The following MINDY2 variants were observed in gnomAD, a reference collection of about 807,000 sequenced individuals.
MINDY2 encodes MINDY lysine 48 deubiquitinase 2.
In MINDY2, 52 loss-of-function variants were observed where a neutral mutation model predicts 68.2. The ratio of observed to expected loss-of-function variants is 0.76; its 90% CI spans 0.61 to 0.96. MINDY2 has a LOEUF of 0.96. Among genes scored for constraint, MINDY2 ranks in the 40% least tolerant of loss-of-function variants. The pLI is 0.00. For missense variants in MINDY2, 881 were observed against 773.4 expected, an observed-to-expected ratio of 1.14 and a Z score of -1.65; for synonymous variants, 372 against 303.0, an observed-to-expected ratio of 1.23 and a Z score of -2.36.
chr15:58,852,987 C>G (rs1365524762), intron 8 of MINDY2, among the ~76,000 whole-genome samples: 16 of 74,642 alleles, frequency 2.1e-4, no homozygotes, highest in African/African-American at 6.1e-4. Flanking sequence ...GAGTCTCACT[C>G]TGTTGCCCAG....
Position 58,771,727 on chromosome 15 carries a change from C to T in MINDY2, c.332C>T (p.Ser111Phe), listed in dbSNP as rs777065911. ...AGAGGGCAGTACAAGGTGACCGCCTCCCCGGAGACAGCCGTGGCCGGAGTG... is the reference window on the plus strand; with the variant it reads ...AGAGGGCAGTACAAGGTGACCGCCTTCCCGGAGACAGCCGTGGCCGGAGTG... ...PLRGQYKVTA[S>F]PETAVAGVGH... is the part of the protein sequence containing the mutation. Residue 111 changes from serine (S) to phenylalanine (F), a missense_variant, in exon 1 of 9, where the codon TCC becomes TTC. Coordinates refer to ENST00000559228, the MANE Select transcript of MINDY2 (RefSeq NM_001040450.3). 1.9e-6 allele frequency: 3 copies of T among 1,611,998 alleles called. No homozygotes were observed. Among genetic ancestry groups the T allele is most frequent in the Admixed American group, 1.7e-5 (1 of 59,908 alleles).
intron 5 of MINDY2, 37 bp downstream of exon 5, chr15:58,821,856 C>G: frequency 7.2e-7 from 1 of 1,397,160 alleles, no homozygotes; most frequent in Non-Finnish European, 9.8e-7. Context: ...TTTTGAAATT[C>G]TTGGCAAGAT....
At chr15:58,800,504 AC>A (rs1392824629) in intron 2 of MINDY2, among the ~76,000 whole-genome samples, 1 of 152,106 alleles carries the variant, frequency 6.6e-6, no homozygotes, top group Admixed American at 6.6e-5. Flanking sequence ...GTTTGCCACT[AC>A]TTTACAATAT....
chr15:58,781,756 A>C (rs1901160247), intron 1 of MINDY2, among the ~76,000 whole-genome samples: 2 of 152,090 alleles, frequency 1.3e-5, no homozygotes, highest in Non-Finnish European at 2.9e-5. Context: ...TGCAAAAATT[A>C]GCCGTGTGTG....
chr15:58,851,258 GC>G (rs1889728594), intron 7 of MINDY2, among the ~76,000 whole-genome samples: 1 of 152,076 alleles, frequency 6.6e-6, no homozygotes, highest in Admixed American at 6.5e-5. Flanking sequence ...ATAGGCGTGA[GC>G]CACCGCACCT....
chr15:58,861,378 T>G lies in MINDY2; in HGVS notation c.*6768T>G, dbSNP rs963443843. ...CGTATGAGTGCCTATTTTTTCCTCC[T>G]CCTTTCATTTTTTATCTTAATACCC... On this transcript the variant is annotated 3_prime_UTR_variant, in exon 9 of 9. Coordinates refer to ENST00000559228, the MANE Select transcript of MINDY2 (RefSeq NM_001040450.3). 1.4e-4 allele frequency: 21 copies of G among 152,182 alleles called. No individual in the cohort carries two copies. The highest frequency in any genetic ancestry group is 5.1e-4 in the African/African-American group (21 of 41,448). The allele number at this position is 152,182 out of a possible 1,614,324, so 9.4% of individuals were successfully genotyped here. A position where few individuals can be genotyped will look rare whatever the true frequency, so the allele number is the denominator to read the frequency against.
At chr15:58,792,034 A>C (rs1901975801) in intron 2 of MINDY2, among the ~76,000 whole-genome samples, 1 of 152,142 alleles carries the variant, frequency 6.6e-6, no homozygotes, top group Admixed American at 6.5e-5. Flanking sequence ...AAATGCTGCT[A>C]ATAGCTCAGG....
intron 4 of MINDY2, among the ~76,000 whole-genome samples, chr15:58,819,405 G>A (rs930360434): frequency 2.6e-5 from 4 of 152,266 alleles, no homozygotes; most frequent in African/African-American, 7.2e-5. Flanking sequence ...CTGTGATCAC[G>A]CCACTACATT....
chr15:58,791,775 G>A (rs1183944950), intron 2 of MINDY2, among the ~76,000 whole-genome samples: 1 of 151,736 alleles, frequency 6.6e-6, no homozygotes, highest in Non-Finnish European at 1.5e-5. Flanking sequence ...TACAAGTCTA[G>A]CCTGTAAATA....
chr15:58,817,908 A>G (rs1422883915), intron 4 of MINDY2, among the ~76,000 whole-genome samples: 1 of 152,078 alleles, frequency 6.6e-6, no homozygotes, highest in South Asian at 2.1e-4. Context: ...CAAGGCATAC[A>G]CTCTTGATGA....
intron 4 of MINDY2, among the ~76,000 whole-genome samples, chr15:58,812,822 C>T (rs973505900): frequency 1.3e-5 from 2 of 152,176 alleles, no homozygotes; most frequent in African/African-American, 4.8e-5. Context: ...CACACTACTG[C>T]GTTCCAGCCT....
In MINDY2 at chr15:58,857,533, CAAAAAAAAAA is replaced by C. The variant is rs1205399993; in HGVS notation, c.*2936_*2945del. On this transcript the variant is annotated 3_prime_UTR_variant, in exon 9 of 9. Coordinates refer to ENST00000559228, the MANE Select transcript of MINDY2 (RefSeq NM_001040450.3). ...TGGGCAATAGAGCGAGACTCCGTCT[CAAAAAAAAAA>C]AAAAAAAAAAAATTAGAGCTATTGT... 1 of 88,742 alleles carries C rather than the reference CAAAAAAAAAA, an allele frequency of 1.1e-5. No individual in the cohort carries two copies. Among genetic ancestry groups the C allele is most frequent in the African/African-American group, 4.3e-5 (1 of 23,320 alleles). 5.5% of individuals were successfully genotyped at this position (88,742 alleles called of 1,614,324 possible). A position where few individuals can be genotyped will look rare whatever the true frequency, so the allele number is the denominator to read the frequency against.
At chr15:58,804,991 A>C (rs186328019) in intron 3 of MINDY2, among the ~76,000 whole-genome samples, 266 of 152,234 alleles carry the variant, frequency 1.7e-3, no homozygotes, top group Non-Finnish European at 2.6e-3. Context: ...AGAAAAATAA[A>C]AATGCTTGCA....
chr15:58,841,318 G>A (rs1240135044), intron 6 of MINDY2, among the ~76,000 whole-genome samples: 2 of 151,618 alleles, frequency 1.3e-5, no homozygotes, highest in Non-Finnish European at 2.9e-5. Flanking sequence ...TTTCAATTTT[G>A]GGGGCCAGAT....
At chr15:58,818,577 A>G (rs759462453) in intron 4 of MINDY2, among the ~76,000 whole-genome samples, 1 of 151,958 alleles carries the variant, frequency 6.6e-6, no homozygotes, top group Non-Finnish European at 1.5e-5. Flanking sequence ...ACTAATGTAC[A>G]GATTCTGTCT....
chr15:58,772,887 A>G (rs1445853946), intron 1 of MINDY2, among the ~76,000 whole-genome samples: 1 of 152,194 alleles, frequency 6.6e-6, no homozygotes, highest in Non-Finnish European at 1.5e-5. Flanking sequence ...ACCAGTAACC[A>G]TGCATCCGAA....
At chr15:58,783,964 T>A (rs955944818) in intron 1 of MINDY2, among the ~76,000 whole-genome samples, 24 of 152,220 alleles carry the variant, frequency 1.6e-4, no homozygotes, top group African/African-American at 5.8e-4. Flanking sequence ...TTTTACCTTA[T>A]AATGGAATAT....
At chr15:58,779,042 G>A (rs1209329406) in intron 1 of MINDY2, among the ~76,000 whole-genome samples, 4 of 149,970 alleles carry the variant, frequency 2.7e-5, no homozygotes, top group Admixed American at 6.7e-5. Flanking sequence ...GATTACAGGC[G>A]TGAGCCACTG....
In MINDY2 at chr15:58,861,392, A is replaced by G. The variant is rs1638979241; in HGVS notation, c.*6782A>G. On this transcript the variant is annotated 3_prime_UTR_variant, in exon 9 of 9. Coordinates refer to ENST00000559228, the MANE Select transcript of MINDY2 (RefSeq NM_001040450.3). ...TTTTTTCCTCCTCCTTTCATTTTTT[A>G]TCTTAATACCCATTTTACTTCTGAA... 6.6e-6 allele frequency: 1 copy of G among 152,016 alleles called. No individual in the cohort carries two copies. The highest frequency in any genetic ancestry group is 1.5e-5 in the Non-Finnish European group (1 of 68,000). 9.4% of individuals were successfully genotyped at this position (152,016 alleles called of 1,614,324 possible).
Sources: allele counts gnomAD v4.1 joint callset (sites outside exome capture counted in the v4.1 genomes callset), GRCh38; gene constraint gnomAD v4.1.1; transcripts MANE v1.5; gene names NCBI Gene and HGNC (gene_info 2026-07-23, HGNC 2026-07-21).